The following EXTL3 variants were observed in gnomAD, a reference collection of about 807,000 sequenced individuals.
EXTL3 encodes exostosin-like 3.
EXTL3 carries 27 observed loss-of-function variants against 69.3 expected under a neutral mutation model. The observed-to-expected ratio is 0.39, with a 90% CI of 0.29 to 0.54. The LOEUF is 0.54. Ranked by LOEUF, EXTL3 falls within the 20% of genes least tolerant of loss-of-function variation. The pLI, the probability that EXTL3 is intolerant of heterozygous loss-of-function variation, is 0.69. For missense variants in EXTL3, 1,003 were observed against 1,231.8 expected (o/e 0.81, Z 2.78); for synonymous variants, 511 against 499.4 (o/e 1.02, Z -0.31).
intron 6 of EXTL3, among the ~76,000 whole-genome samples, chr8:28,749,091 T>C (rs1801950021): frequency 6.6e-6 from 1 of 152,124 alleles, no homozygotes; most frequent in Admixed American, 6.5e-5. Flanking sequence ...TCAGGTCACA[T>C]AGGACACGCA....
intron 1 of EXTL3, among the ~76,000 whole-genome samples, chr8:28,659,507 AAATCCTTGTTTCAGGTAGTTATGGGAGG>A (rs1243509894): frequency 6.6e-6 from 1 of 152,202 alleles, no homozygotes; most frequent in African/African-American, 2.4e-5. Context: ...AAGGTATTCC[AAATCCTTGTTTCAGGTAGTTATGGGAGG>A]AATCCTGAGA....
chr8:28,632,778 TC>T (rs1338952208), intron 1 of EXTL3, among the ~76,000 whole-genome samples: 3 of 151,842 alleles, frequency 2.0e-5, no homozygotes, highest in Non-Finnish European at 2.9e-5. Flanking sequence ...GGTCTCGAAC[TC>T]CTGACCTCAG....
At position 28,672,358 on chromosome 8, in the gene EXTL3, C is replaced by CA. The variant is rs1373319766; in HGVS notation, c.-52-41098dup. 7.8e-5 allele frequency among the ~76,000 whole-genome samples: 10 copies of CA among 128,736 alleles called. No homozygotes were observed. In the Admixed American group the frequency reaches 1.0e-3, roughly 13 times the overall value. 84.5% of individuals were successfully genotyped at this position (128,736 alleles called of 152,430 possible). On this transcript the variant is annotated intron_variant, in intron 1 of 6. Transcript: ENST00000523149. ...GCATGAAACCAGGAGGCGGAGCTTG[C>CA]AGTGAGCCGAGATCGTGCCACTGCA...
At chr8:28,609,354 G>A (rs1476874891) in intron 2 of EXTL3, among the ~76,000 whole-genome samples, 1 of 151,938 alleles carries the variant, frequency 6.6e-6, no homozygotes, top group East Asian at 1.9e-4. Context: ...GGGTTTCGCT[G>A]GAGGGGAGGG....
At chr8:28,682,511 C>T (rs891247408) in intron 1 of EXTL3, among the ~76,000 whole-genome samples, 17 of 151,968 alleles carry the variant, frequency 1.1e-4, no homozygotes, top group South Asian at 4.2e-4. Context: ...TGTGCGATCT[C>T]GGCTCACTGC....
At chr8:28,663,893 A>G (rs164664) in intron 1 of EXTL3, among the ~76,000 whole-genome samples, 39,024 of 152,158 alleles carry the variant, frequency 0.26, 8,312 homozygotes, top group African/African-American at 0.59. Context: ...GGAGGCTGCC[A>G]TTGCTGGCGG....
At chr8:28,657,076 C>T (rs139271563) in intron 1 of EXTL3, among the ~76,000 whole-genome samples, 29 of 152,072 alleles carry the variant, frequency 1.9e-4, no homozygotes, top group African/African-American at 6.5e-4. Context: ...GAACTACAGG[C>T]GCCCACCACC....
chr8:28,725,052 C>T (rs986129655), intron 3 of EXTL3, among the ~76,000 whole-genome samples: 1 of 152,124 alleles, frequency 6.6e-6, no homozygotes, highest in South Asian at 2.1e-4. Flanking sequence ...TGTTTCCTTT[C>T]TTGCCTGTGT....
chr8:28,675,721 G>A (rs541170717), intron 1 of EXTL3, among the ~76,000 whole-genome samples: 32 of 152,192 alleles, frequency 2.1e-4, no homozygotes, highest in African/African-American at 6.7e-4. Context: ...AGCTTTGGGC[G>A]TTAGAAAATG....
intron 1 of EXTL3, among the ~76,000 whole-genome samples, chr8:28,665,557 A>G (rs1807183831): frequency 6.6e-6 from 1 of 151,506 alleles, no homozygotes; most frequent in Non-Finnish European, 1.5e-5. Flanking sequence ...GACTACAGGC[A>G]CATGGCACCA....
chr8:28,733,039 C>T (rs1299110857), intron 4 of EXTL3, among the ~76,000 whole-genome samples: 3 of 151,992 alleles, frequency 2.0e-5, no homozygotes, highest in Non-Finnish European at 4.4e-5. Flanking sequence ...GCCCAGGTAC[C>T]AGTTCTTCAT....
At chr8:28,671,398 G>A (rs4732865) in intron 1 of EXTL3, among the ~76,000 whole-genome samples, 64,960 of 144,298 alleles carry the variant, frequency 0.45, 16,912 homozygotes, top group Non-Finnish European at 0.59. Context: ...TCTCTCCTCC[G>A]CAACCTCTCA....
chr8:28,661,351 A>ATG, intron 1 of EXTL3, among the ~76,000 whole-genome samples: 1 of 149,888 alleles, frequency 6.7e-6, no homozygotes, highest in African/African-American at 2.5e-5. Context: ...TTTTATATAT[A>ATG]TATATACACA....
intron 1 of EXTL3, among the ~76,000 whole-genome samples, chr8:28,643,437 CAG>C (rs1806776599): frequency 1.3e-5 from 1 of 74,754 alleles, no homozygotes; most frequent in Non-Finnish European, 2.7e-5. Flanking sequence ...TTTTTTGAGA[CAG>C]AGTCTCGCTC....
At chr8:28,689,041 A>C (rs981056967) in intron 1 of EXTL3, among the ~76,000 whole-genome samples, 5 of 152,150 alleles carry the variant, frequency 3.3e-5, no homozygotes, top group Admixed American at 2.0e-4. Context: ...TCTCCTTCTT[A>C]TGGTTTCTTT....
intron 1 of EXTL3, among the ~76,000 whole-genome samples, chr8:28,667,858 T>TA (rs879703751): frequency 7.8e-4 from 108 of 138,006 alleles, no homozygotes; most frequent in East Asian, 1.4e-3. Context: ...AATTAAAGTA[T>TA]AAAAAAAAAA....
intron 1 of EXTL3, among the ~76,000 whole-genome samples, chr8:28,671,699 C>T (rs913171819): frequency 6.6e-6 from 1 of 152,156 alleles, no homozygotes; most frequent in African/African-American, 2.4e-5. Context: ...CAAACTCACC[C>T]CATGTTAATG....
intron 1 of EXTL3, among the ~76,000 whole-genome samples, chr8:28,705,114 T>G (rs921797899): frequency 1.3e-5 from 2 of 151,976 alleles, no homozygotes; most frequent in African/African-American, 4.8e-5. Context: ...GAGAAGGAGG[T>G]CTTGGGAATG....
chr8:28,681,803 C>A (rs1209517504), intron 1 of EXTL3, among the ~76,000 whole-genome samples: 1 of 152,156 alleles, frequency 6.6e-6, no homozygotes, highest in East Asian at 1.9e-4. Context: ...CCTGTAATCC[C>A]AGCACTTTAG....
Sources: allele counts gnomAD v4.1 joint callset (sites outside exome capture counted in the v4.1 genomes callset), GRCh38; gene constraint gnomAD v4.1.1; transcripts MANE v1.5; gene names NCBI Gene and HGNC (gene_info 2026-07-23, HGNC 2026-07-21).